TACC3: variants seen among roughly 807,000 people sequenced by gnomAD.
The protein encoded by TACC3 is transforming acidic coiled-coil-containing protein 3.
In TACC3, 52 loss-of-function variants were observed where a neutral mutation model predicts 86.0. The ratio of observed to expected loss-of-function variants is 0.60; its 90% CI spans 0.48 to 0.76. The LOEUF is 0.76. Among genes scored for constraint, TACC3 ranks in the 30% least tolerant of loss-of-function variants. TACC3 has a pLI of 0.00. For missense variants in TACC3, 1,120 were observed against 1,070.4 expected (o/e 1.05, Z -0.65); for synonymous variants, 512 against 430.0 (o/e 1.19, Z -2.36).
At position 1,735,360 on chromosome 4, in the gene TACC3, CAG is replaced by C; in HGVS notation, c.1644+36_1644+37del. 1 of 1,613,066 alleles carries C rather than the reference CAG, an allele frequency of 6.2e-7. No individual in the cohort carries two copies. The highest frequency in any genetic ancestry group is 1.1e-5 in the South Asian group (1 of 91,070). On this transcript the variant is annotated intron_variant, in intron 7 of 15. Transcript: ENST00000313288. This position sits in a 1 kb window ranked among gnomAD's most constrained non-coding sequence, Gnocchi z 4.2. ...AGGCAATTCCGCGAAGCCTCACCCA[CAG>C]GGTGTCCGAGAGCAGCCACGGCAGG...
At chr4:1,729,471 G>A (rs1327698084) in intron 4 of TACC3, among the ~76,000 whole-genome samples, 1 of 152,188 alleles carries the variant, frequency 6.6e-6, no homozygotes, top group African/African-American at 2.4e-5. Flanking sequence ...GACAGGTTAA[G>A]GAGTGTGAGC....
rs1454280691 is a variant in TACC3, at chr4:1,737,187, C to G, written c.1749-54C>G. 41 of 1,433,220 alleles carry G rather than the reference C, an allele frequency of 2.9e-5. 1 individual carries two copies. Among genetic ancestry groups the G allele is most frequent in the Middle Eastern group, 4.0e-4 (2 of 4,940 alleles). 88.8% of individuals were successfully genotyped at this position (1,433,220 alleles called of 1,614,324 possible). ...AGCTTGTCCACATGGTCCTCTGTGT[C>G]CTACTCAACACTGGGAGGGCCTAGT... is the stretch of plus-strand genomic sequence containing the variant. On this transcript the variant is annotated intron_variant, in intron 8 of 15. Coordinates refer to ENST00000313288, the MANE Select transcript of TACC3 (RefSeq NM_006342.3).
intron 12 of TACC3, chr4:1,740,445 T>G: frequency 3.3e-6 from 1 of 305,484 alleles, no homozygotes; most frequent in South Asian, 4.9e-5. Context: ...TTAGGCTGAG[T>G]GTCAGCCGGC....
intron 4 of TACC3, among the ~76,000 whole-genome samples, chr4:1,729,218 C>A (rs1717878928): frequency 6.6e-6 from 1 of 152,114 alleles, no homozygotes; most frequent in Non-Finnish European, 1.5e-5. Context: ...GCTGAATGGT[C>A]TTAGGCTACA....
intron 8 of TACC3, among the ~76,000 whole-genome samples, chr4:1,736,711 C>T (rs112047717): frequency 0.011 from 1,621 of 152,156 alleles, 19 homozygotes; most frequent in Middle Eastern, 0.017. Flanking sequence ...GAGTTTGAGA[C>T]CAGCCTGGCC....
At chr4:1,720,745 G>A (rs1275253276), upstream of TACC3, 2 of 1,578,324 alleles carry the variant, frequency 1.3e-6, no homozygotes, top group African/African-American at 2.7e-5. The surrounding 1 kb of genome is among the most constrained non-coding windows in gnomAD (Gnocchi z 4.4). Flanking sequence ...TCTGCACCGT[G>A]AGCCCCGCCG....
chr4:1,729,099 A>G (rs927074318), intron 4 of TACC3, among the ~76,000 whole-genome samples: 1 of 152,174 alleles, frequency 6.6e-6, no homozygotes, highest in African/African-American at 2.4e-5. Context: ...GTTCCTCCTC[A>G]GGTGAACTTG....
chr4:1,736,422 CAAAAAAAA>C (rs1164866581), intron 8 of TACC3, among the ~76,000 whole-genome samples: 37 of 65,826 alleles, frequency 5.6e-4, no homozygotes, highest in Non-Finnish European at 6.3e-4. Context: ...GACTCCATCT[CAAAAAAAA>C]AAAAAAAAAA....
chr4:1,729,741 G>A (rs1340321517), intron 4 of TACC3, among the ~76,000 whole-genome samples: 4 of 152,280 alleles, frequency 2.6e-5, no homozygotes, highest in African/African-American at 7.2e-5. Context: ...GGCTGCGGGC[G>A]GGCCTGACTG....
intron 1 of TACC3, chr4:1,723,021 G>C (rs529684171): frequency 5.4e-6 from 1 of 186,174 alleles, no homozygotes; most frequent in African/African-American, 2.4e-5. Flanking sequence ...CCTGTGGGGA[G>C]ACCAGGGCTT....
rs1718195202 is a variant in TACC3, at chr4:1,735,250, G to A, written c.1592-23G>A. ...AGGGCCCTGGTGAGGGGCGATGGCG[G>A]CGGCATGATTCACTCCTCTCAGTTC... On this transcript the variant is annotated intron_variant, in intron 6 of 15. Transcript: ENST00000313288. The surrounding 1 kb of genome is among the most constrained non-coding windows in gnomAD (Gnocchi z 4.2). 1.9e-6 allele frequency: 3 copies of A among 1,613,796 alleles called. No homozygotes were observed. The Admixed American group carries it at 5.0e-5, about 27-fold the overall frequency.
chr4:1,729,944 G>A (rs944031148), intron 4 of TACC3, among the ~76,000 whole-genome samples: 5 of 152,238 alleles, frequency 3.3e-5, no homozygotes, highest in Non-Finnish European at 7.3e-5. Flanking sequence ...CTGTCCGGGC[G>A]TGACAGAGGG....
At position 1,740,997 on chromosome 4, in the gene TACC3, G is replaced by A. The variant is rs182952218; in HGVS notation, c.2223+11G>A. ...GAGGGCTACCGCAAGGTATGTCTCC[G>A]CCACCCTGGTGTCCTCACCTCGGAG... On this transcript the variant is annotated intron_variant, in intron 13 of 15. Transcript: ENST00000313288. The A allele has an allele frequency of 6.2e-5, 99 of 1,598,716 alleles. No homozygotes were observed. The African/African-American group carries it at 7.3e-4, about 12-fold the overall frequency.
Position 1,737,263 on chromosome 4 carries a change from C to G in TACC3, c.1771C>G (p.Pro591Ala). The G allele has an allele frequency of 6.2e-7, 1 of 1,614,120 alleles. No individual in the cohort carries two copies. The highest frequency in any genetic ancestry group is 8.5e-7 in the Non-Finnish European group (1 of 1,180,032). The change falls in exon 9 of 16, where the codon CCC becomes GCC. Residue 591 changes from proline to alanine, a missense_variant. Transcript: ENST00000313288. ...CAGCATGCACGGTGCAAATGAGACTCCCTCAGGACGTCCGCGGGAAGCCAA... is the reference window on the plus strand; with the variant it reads ...CAGCATGCACGGTGCAAATGAGACTGCCTCAGGACGTCCGCGGGAAGCCAA... ...TSSMHGANET[P>A]SGRPREAKLV... is the part of the protein sequence containing the mutation.
Position 1,728,730 on chromosome 4 carries a change from C to T in TACC3, c.1328C>T (p.Ala443Val), listed in dbSNP as rs1489409807. 3.1e-6 allele frequency: 5 copies of T among 1,612,700 alleles called. No individual in the cohort carries two copies. Among genetic ancestry groups the T allele is most frequent in the Admixed American group, 1.7e-5 (1 of 59,926 alleles). Residue 443 changes from alanine to valine, a missense_variant, in exon 4 of 16, where the codon GCG becomes GTG. Physicochemically the swap from Ala to Val is moderately conservative, Grantham distance 64. Transcript: ENST00000313288. Reference sequence around the variant, plus strand: ...CCTGAGACCAGGCTGGGCCAGCCAGCGGCTGAACAGTTGCATGCTGGGCCT... The same window carrying T: ...CCTGAGACCAGGCTGGGCCAGCCAGTGGCTGAACAGTTGCATGCTGGGCCT... Reference protein sequence around the residue: ...ESPETRLGQPAAEQLHAGPAT... With the variant: ...ESPETRLGQPVAEQLHAGPAT...
intron 4 of TACC3, among the ~76,000 whole-genome samples, chr4:1,729,369 G>T (rs1047375248): frequency 6.6e-6 from 1 of 152,118 alleles, no homozygotes; most frequent in Non-Finnish European, 1.5e-5. Flanking sequence ...AAAGACAGCT[G>T]GGCCCGGGGG....
chr4:1,723,063 G>C, intron 1 of TACC3: 1 of 193,106 alleles, frequency 5.2e-6, no homozygotes, highest in Admixed American at 5.7e-5. Flanking sequence ...TTATTGGCCC[G>C]GGCTTTTCCG....
intron 5 of TACC3, 51 bp from the exon 6 acceptor site, chr4:1,731,121 C>G (rs370137852): frequency 2.0e-5 from 32 of 1,606,354 alleles, no homozygotes; most frequent in Non-Finnish European, 2.6e-5. Context: ...CAAAGCCACA[C>G]CCCAAGTACC....
chr4:1,728,713 C>T lies in TACC3; in HGVS notation c.1311C>T (p.Thr437=), dbSNP rs1344844045. 6.2e-7 allele frequency: 1 copy of T among 1,613,430 alleles called. No homozygotes were observed. Among genetic ancestry groups the T allele is most frequent in the Non-Finnish European group, 8.5e-7 (1 of 1,179,992 alleles). ...CCCAGCCCCCAGAAAGCCCTGAGAC[C>T]AGGCTGGGCCAGCCAGCGGCTGAAC... ...SEAQPPESPE[T]RLGQPAAEQL... is the part of the protein sequence containing the mutation. The change falls in exon 4 of 16, where the codon ACC becomes ACT. Residue 437 remains threonine, a synonymous_variant. Transcript: ENST00000313288.
Sources: allele counts gnomAD v4.1 joint callset (sites outside exome capture counted in the v4.1 genomes callset), GRCh38; gene constraint gnomAD v4.1.1; non-coding constraint Gnocchi (gnomAD v3.1); transcripts MANE v1.5; gene names NCBI Gene and HGNC (gene_info 2026-07-23, HGNC 2026-07-21).